EPX: variants seen among roughly 807,000 people sequenced by gnomAD.
EPX encodes eosinophil peroxidase.
EPX carries 60 observed loss-of-function variants against 73.0 expected under a neutral mutation model. The observed-to-expected ratio is 0.82, with a 90% CI of 0.67 to 1.02. The LOEUF (loss-of-function observed/expected upper bound fraction) is 1.02, where lower values mean the gene tolerates loss of function less well. Among genes scored for constraint, EPX ranks in the 50% least tolerant of loss-of-function variants. The pLI, the probability that EPX is intolerant of heterozygous loss-of-function variation, is 0.00. For synonymous variants in EPX, 347 were observed against 389.2 expected (o/e 0.89, Z 1.28); for missense variants, 950 against 973.9 (o/e 0.98, Z 0.33).
intron 10 of EPX, 53 bp downstream of exon 10, chr17:58,200,448 A>AG (rs1350139447): frequency 8.9e-6 from 14 of 1,581,080 alleles, no homozygotes; most frequent in Non-Finnish European, 1.2e-5. Context: ...AGGCTGCTCA[A>AG]GGGGTTCTGG....
chr17:58,203,044 A>C, intron 10 of EPX, 37 bp from the exon 11 acceptor site: 1 of 1,490,770 alleles, frequency 6.7e-7, no homozygotes, highest in Non-Finnish European at 9.4e-7. Context: ...ATGGGAGATC[A>C]GCAAGACTGA....
At chr17:58,197,722 T>C (rs1260447227) in intron 7 of EPX, among the ~76,000 whole-genome samples, 1 of 152,244 alleles carries the variant, frequency 6.6e-6, no homozygotes, top group Non-Finnish European at 1.5e-5. Context: ...CAGCTGTTGC[T>C]AGACAGTTAA....
At chr17:58,194,188 GC>G (rs778233134) in intron 5 of EPX, 96 bp downstream of exon 5, 42 of 1,248,198 alleles carry the variant, frequency 3.4e-5, no homozygotes, top group Non-Finnish European at 4.1e-5. Flanking sequence ...TTGAACCCAG[GC>G]CCTTCCACTG....
In EPX at chr17:58,199,668, C is replaced by A; in HGVS notation, c.1411C>A (p.Arg471Ser). Reference protein sequence around the residue: ...RVANVFTLAFRFGHTMLQPFM... With the variant: ...RVANVFTLAFSFGHTMLQPFM... ...GGCCAATGTCTTCACCCTGGCCTTC[C>A]GCTTTGGCCACACAATGCTCCAGCC... The change falls in exon 9 of 13, where the codon CGC becomes AGC. Residue 471 changes from arginine to serine, a missense_variant. Physicochemically the swap from Arg to Ser is moderately radical, Grantham distance 110. Transcript: ENST00000225371. 1 of 1,614,256 alleles carries A rather than the reference C, an allele frequency of 6.2e-7. No homozygotes were observed. The highest frequency in any genetic ancestry group is 1.3e-5 in the African/African-American group (1 of 75,070).
At position 58,199,605 on chromosome 17, in the gene EPX, C is replaced by T. The variant is rs1968310467; in HGVS notation, c.1348C>T (p.His450Tyr). The change falls in exon 9 of 13, where the codon CAC becomes TAC. Residue 450 changes from histidine to tyrosine, a missense_variant. His to Tyr is a moderately conservative substitution (Grantham distance 83). Coordinates refer to ENST00000225371, the MANE Select transcript of EPX (RefSeq NM_000502.6). ...GGCCCGGGCCAGGAGAACCCTGGGG[C>T]ACTACAGGGGGTACTGCTCCAATGT... ...GKARARRTLGHYRGYCSNVDP... is the reference protein window; with the variant it reads ...GKARARRTLGYYRGYCSNVDP... The T allele has an allele frequency of 6.2e-7, 1 of 1,614,076 alleles. No individual in the cohort carries two copies. The highest frequency in any genetic ancestry group is 8.5e-7 in the Non-Finnish European group (1 of 1,179,926).
In EPX at chr17:58,197,265, A is replaced by G. The variant is rs979665475; in HGVS notation, c.1120+8A>G. 1.2e-6 allele frequency: 2 copies of G among 1,609,930 alleles called. No individual in the cohort carries two copies. The highest frequency in any genetic ancestry group is 8.5e-7 in the Non-Finnish European group (1 of 1,179,984). ...TCCCCTGCTTCCTGGCAGGTCAGACAGGGAGGAAGGTGGTGTCTTCCCAGG... is the reference window on the plus strand; with the variant it reads ...TCCCCTGCTTCCTGGCAGGTCAGACGGGGAGGAAGGTGGTGTCTTCCCAGG... On this transcript the variant is annotated splice_region_variant and intron_variant, in intron 7 of 12. Transcript: ENST00000225371.
intron 5 of EPX, among the ~76,000 whole-genome samples, chr17:58,194,306 G>A (rs1195066741): frequency 6.6e-6 from 1 of 152,192 alleles, no homozygotes; most frequent in African/African-American, 2.4e-5. Context: ...GGATATTGAA[G>A]TCCTTGGTAT....
chr17:58,201,859 T>C (rs1267020555), intron 10 of EPX, among the ~76,000 whole-genome samples: 2 of 151,676 alleles, frequency 1.3e-5, no homozygotes, highest in Non-Finnish European at 2.9e-5. Flanking sequence ...AAGGAAGAGC[T>C]GGAGAGCTGA....
chr17:58,204,211 C>A lies in EPX; in HGVS notation c.1947-11C>A. 3 of 1,610,166 alleles carry A rather than the reference C, an allele frequency of 1.9e-6. No individual in the cohort carries two copies. The East Asian group carries it at 6.7e-5, about 36-fold the overall frequency. On this transcript the variant is annotated splice_polypyrimidine_tract_variant and intron_variant, in intron 11 of 12. Coordinates refer to ENST00000225371, the MANE Select transcript of EPX (RefSeq NM_000502.6). ...CCCAGCCTTCACCCACATCTCTCGA[C>A]TGCCTGGTAGGTTCTGGTGGCAGAA...
At chr17:58,193,930 C>A (rs775084013) in intron 4 of EPX, 33 bp from the exon 5 acceptor site, 3 of 1,612,352 alleles carry the variant, frequency 1.9e-6, no homozygotes, top group South Asian at 1.1e-5. Flanking sequence ...CCAGGCCCTG[C>A]CCCCTGCTAA....
chr17:58,197,232 G>A lies in EPX; in HGVS notation c.1095G>A (p.Ser365=), dbSNP rs760149988. ...ACCCCTGTCTCCTCACCAACCGCTC[G>A]GCGCGCATCCCCTGCTTCCTGGCAG... ...HDDPCLLTNR[S]ARIPCFLAGD... The change falls in exon 7 of 13, where the codon TCG becomes TCA. Residue 365 remains serine, a synonymous_variant. Coordinates refer to ENST00000225371, the MANE Select transcript of EPX (RefSeq NM_000502.6). 36 of 1,612,630 alleles carry A rather than the reference G, an allele frequency of 2.2e-5. No homozygotes were observed. In the East Asian group the frequency reaches 4.9e-4, roughly 22 times the overall value.
Position 58,199,552 on chromosome 17 carries a change from G to C in EPX, c.1295G>C (p.Arg432Pro). Reference sequence around the variant, plus strand: ...CTTCCCTTCCAGATCATCACCTACCGAGACTTTCTGCCCCTGGTTCTGGGC... The same window carrying C: ...CTTCCCTTCCAGATCATCACCTACCCAGACTTTCTGCCCCTGGTTCTGGGC... ...MGAMVQIITYRDFLPLVLGKA... is the reference protein window; with the variant it reads ...MGAMVQIITYPDFLPLVLGKA... The change falls in exon 9 of 13, where the codon CGA becomes CCA. Residue 432 changes from arginine (R) to proline (P), a missense_variant. Transcript: ENST00000225371. 6.2e-7 allele frequency: 1 copy of C among 1,614,166 alleles called. No homozygotes were observed. The highest frequency in any genetic ancestry group is 8.5e-7 in the Non-Finnish European group (1 of 1,180,048).
intron 6 of EPX, among the ~76,000 whole-genome samples, chr17:58,195,717 C>G (rs1968246763): frequency 6.6e-6 from 1 of 152,132 alleles, no homozygotes; most frequent in Non-Finnish European, 1.5e-5. Flanking sequence ...CACACGTGCA[C>G]ACACACGCTC....
rs763447281 is a variant in EPX, at chr17:58,197,187, C to T, written c.1050C>T (p.Pro350=). The change falls in exon 7 of 13, where the codon CCC becomes CCT. Residue 350 remains proline, a synonymous_variant. Coordinates refer to ENST00000225371, the MANE Select transcript of EPX (RefSeq NM_000502.6). The part of the protein sequence containing the change: ...RFQDNGRALL[P]FDNLHDDPCL... ...AAGACAACGGCCGGGCCCTGCTGCC[C>T]TTCGACAACCTGCACGATGACCCCT... 6.2e-7 allele frequency: 1 copy of T among 1,613,922 alleles called. No individual in the cohort carries two copies. The highest frequency in any genetic ancestry group is 8.5e-7 in the Non-Finnish European group (1 of 1,180,024).
chr17:58,198,208 CATTTTACGATAAGAAA>C, intron 7 of EPX, among the ~76,000 whole-genome samples: 1 of 152,182 alleles, frequency 6.6e-6, no homozygotes, highest in African/African-American at 2.4e-5. Context: ...TTATTGTTCT[CATTTTACGATAAGAAA>C]CTGAGACTCA....
At chr17:58,200,152 G>T in intron 9 of EPX, 73 bp from the exon 10 acceptor site, 1 of 1,428,042 alleles carries the variant, frequency 7.0e-7, no homozygotes, top group Non-Finnish European at 9.9e-7. Context: ...GGGCTAGCTT[G>T]GCATCATGTG....
At chr17:58,204,484 C>A in intron 12 of EPX, 50 bp downstream of exon 12, 1 of 1,148,014 alleles carries the variant, frequency 8.7e-7, no homozygotes, top group South Asian at 1.2e-5. Context: ...GCCCTCACAT[C>A]CTTCCCTGGA....
rs374125685 is a variant in EPX at position 58,193,362 on chromosome 17, C to T, written c.171-9C>T. On this transcript the variant is annotated splice_polypyrimidine_tract_variant and intron_variant, in intron 2 of 12. Transcript: ENST00000225371. Reference sequence around the variant, plus strand: ...TCTCTCCAGCCCTCACTCCTCCTCTCCTGGGCAGCATCAAGCAGCGGCTTC... The same window carrying T: ...TCTCTCCAGCCCTCACTCCTCCTCTTCTGGGCAGCATCAAGCAGCGGCTTC... The T allele has an allele frequency of 1.5e-4, 242 of 1,614,136 alleles. 1 individual carries two copies. The highest frequency in any genetic ancestry group is 3.3e-4 in the Middle Eastern group (2 of 6,018).
At position 58,199,179 on chromosome 17, in the gene EPX, G is replaced by T; in HGVS notation, c.1260G>T (p.Lys420Asn). 2 of 1,614,138 alleles carry T rather than the reference G, an allele frequency of 1.2e-6. No homozygotes were observed. The highest frequency in any genetic ancestry group is 1.7e-6 in the Non-Finnish European group (2 of 1,180,004). The change falls in exon 8 of 13, where the codon AAG becomes AAT. Residue 420 changes from lysine to asparagine, a missense_variant. Physicochemically the swap from Lys to Asn is moderately conservative, Grantham distance 94. Coordinates refer to ENST00000225371, the MANE Select transcript of EPX (RefSeq NM_000502.6). ...ACAAACTGTACAATGAGGCTCGGAA[G>T]ATCATGGGGGCCATGGTCCAGGTAA... ...NGDKLYNEARKIMGAMVQIIT... is the reference protein window; with the variant it reads ...NGDKLYNEARNIMGAMVQIIT...
Sources: allele counts gnomAD v4.1 joint callset (sites outside exome capture counted in the v4.1 genomes callset), GRCh38; gene constraint gnomAD v4.1.1; transcripts MANE v1.5; gene names NCBI Gene and HGNC (gene_info 2026-07-23, HGNC 2026-07-21).